The following KANK1 variants were observed in gnomAD, a reference collection of about 807,000 sequenced individuals.
KANK1 encodes the protein KN motif and ankyrin repeat domain-containing protein 1.
Under a neutral mutation model 106.2 loss-of-function variants are expected in KANK1, and 109 were observed. The ratio of observed to expected loss-of-function variants is 1.03; its 90% CI spans 0.88 to 1.20. The LOEUF is 1.20. KANK1 is among the 50% of genes most tolerant of loss of function. The pLI, the probability that KANK1 is intolerant of heterozygous loss-of-function variation, is 0.00. For missense variants in KANK1, 2,399 were observed against 1,710.7 expected (o/e 1.40, Z -7.10); for synonymous variants, 873 against 652.2 (o/e 1.34, Z -5.16).
chr9:518,394 C>G (rs1009361328), intron 1 of KANK1, among the ~76,000 whole-genome samples: 1 of 149,762 alleles, frequency 6.7e-6, no homozygotes, highest in Admixed American at 6.6e-5. Flanking sequence ...TCCTTGACCC[C>G]CAGTGGCCCA....
In KANK1 at chr9:744,547, T is replaced by C; in HGVS notation, c.3954T>C (p.Val1318=). The change falls in exon 11 of 12, where the codon GTT becomes GTC. Residue 1318 remains valine, a synonymous_variant. Coordinates refer to ENST00000382297, the MANE Select transcript of KANK1 (RefSeq NM_015158.5). ...AAGCAGGACACAAGGACATCGCTGT[T>C]CTTCTGTATGCCCATGTCAACTTTG... ...ALEAGHKDIA[V]LLYAHVNFAK... 1 of 1,614,168 alleles carries C rather than the reference T, an allele frequency of 6.2e-7. No homozygotes were observed. Among genetic ancestry groups the C allele is most frequent in the Non-Finnish European group, 8.5e-7 (1 of 1,180,012 alleles).
Position 692,026 on chromosome 9 carries a change from C to G in KANK1, c.37+15017C>G, listed in dbSNP as rs374770515. Among the ~76,000 whole-genome samples, 3 of 152,184 alleles carry G rather than the reference C, an allele frequency of 2.0e-5. No homozygotes were observed. The East Asian group carries it at 5.8e-4, about 29-fold the overall frequency. On this transcript the variant is annotated intron_variant, in intron 2 of 11. Coordinates refer to ENST00000382297, the MANE Select transcript of KANK1 (RefSeq NM_015158.5). ...TTTATCACAGGGCAGGCAGGCAAAG[C>G]CAGTTCTAAACAATAAAACAGAGAT...
At chr9:734,932 C>A in intron 7 of KANK1, 97 bp downstream of exon 7, 3 of 843,974 alleles carry the variant, frequency 3.6e-6, no homozygotes, top group South Asian at 1.4e-5. Flanking sequence ...CTGTTGCTTG[C>A]ATGCTTTTCT....
intron 10 of KANK1, among the ~76,000 whole-genome samples, chr9:743,753 C>G (rs373456811): frequency 4.6e-5 from 7 of 152,076 alleles, no homozygotes; most frequent in African/African-American, 1.7e-4. Context: ...TCTCAGATAC[C>G]GTGGTGGTTG....
At chr9:479,875 C>T (rs927655310) in intron 3 of KANK1, among the ~76,000 whole-genome samples, 2 of 143,062 alleles carry the variant, frequency 1.4e-5, no homozygotes, top group South Asian at 2.4e-4. Context: ...AATAACTGAG[C>T]CCCCCCAGTA....
intron 1 of KANK1, among the ~76,000 whole-genome samples, chr9:564,938 C>T (rs1458668763): frequency 6.6e-6 from 1 of 152,176 alleles, no homozygotes; most frequent in African/African-American, 2.4e-5. Context: ...ACACTTGGCA[C>T]AGACATGGCT....
intron 8 of KANK1, among the ~76,000 whole-genome samples, chr9:739,116 A>G (rs1834628513): frequency 6.6e-6 from 1 of 152,206 alleles, no homozygotes; most frequent in Non-Finnish European, 1.5e-5. Context: ...CCCAGAATAG[A>G]GCCAGTGGAC....
intron 1 of KANK1, among the ~76,000 whole-genome samples, chr9:552,071 G>C (rs1177201631): frequency 6.6e-6 from 1 of 151,964 alleles, no homozygotes; most frequent in African/African-American, 2.4e-5. Context: ...AAAATAAAGG[G>C]AGCATGTAAC....
At chr9:517,769 C>T (rs544370697) in intron 1 of KANK1, among the ~76,000 whole-genome samples, 64 of 145,446 alleles carry the variant, frequency 4.4e-4, no homozygotes, top group South Asian at 8.7e-4. Flanking sequence ...GACAGAGTCT[C>T]GCTCTGTCAC....
chr9:696,726 CA>C, intron 2 of KANK1, among the ~76,000 whole-genome samples: 1 of 152,216 alleles, frequency 6.6e-6, no homozygotes, highest in South Asian at 2.1e-4. Context: ...GCTCCTGGCA[CA>C]TCACTTTGCA....
At chr9:499,136 C>T (rs981788076) in intron 3 of KANK1, among the ~76,000 whole-genome samples, 1 of 151,692 alleles carries the variant, frequency 6.6e-6, no homozygotes, top group African/African-American at 2.4e-5. Flanking sequence ...CGAGATCACA[C>T]CACTGCACTC....
At chr9:521,525 T>C (rs1416890517) in intron 1 of KANK1, among the ~76,000 whole-genome samples, 1 of 150,988 alleles carries the variant, frequency 6.6e-6, no homozygotes, top group Non-Finnish European at 1.5e-5. Context: ...CATCAAACAC[T>C]GGGCACTTGG....
At chr9:512,369 G>T (rs79647952) in intron 1 of KANK1, among the ~76,000 whole-genome samples, 1,778 of 152,200 alleles carry the variant, frequency 0.012, 26 homozygotes, top group Non-Finnish European at 0.016. Flanking sequence ...GAGTCTAGAA[G>T]AAGACTGAAG....
chr9:664,271 C>G (rs1223714571), intron 1 of KANK1, among the ~76,000 whole-genome samples: 1 of 152,128 alleles, frequency 6.6e-6, no homozygotes, highest in Non-Finnish European at 1.5e-5. Context: ...TACTCTCTAT[C>G]CTCATGAGAT....
intron 3 of KANK1, among the ~76,000 whole-genome samples, chr9:476,345 A>G (rs1369429802): frequency 6.6e-6 from 1 of 151,870 alleles, no homozygotes; most frequent in East Asian, 1.9e-4. Context: ...ACATAGTGAA[A>G]CCCTGTCTCT....
chr9:614,836 A>G (rs1331611147), intron 1 of KANK1, among the ~76,000 whole-genome samples: 1 of 152,188 alleles, frequency 6.6e-6, no homozygotes, highest in East Asian at 1.9e-4. Context: ...ACTACAGCCC[A>G]TCACCTTAAA....
At chr9:709,080 G>C (rs1825157264) in intron 2 of KANK1, among the ~76,000 whole-genome samples, 1 of 152,132 alleles carries the variant, frequency 6.6e-6, no homozygotes, top group Non-Finnish European at 1.5e-5. Flanking sequence ...TTCATTCTTT[G>C]CATCTGTTTG....
At chr9:580,793 C>T (rs983094186) in intron 1 of KANK1, among the ~76,000 whole-genome samples, 3 of 152,238 alleles carry the variant, frequency 2.0e-5, no homozygotes, top group African/African-American at 7.2e-5. Flanking sequence ...CTTGGGTAGT[C>T]AATGGGATTG....
intron 3 of KANK1, chr9:476,747 T>C (rs1405895014): frequency 6.6e-6 from 1 of 152,226 alleles, no homozygotes; most frequent in Non-Finnish European, 1.5e-5. Context: ...AGTAGAAATA[T>C]TAATAAATAA....
Sources: allele counts gnomAD v4.1 joint callset (sites outside exome capture counted in the v4.1 genomes callset), GRCh38; gene constraint gnomAD v4.1.1; transcripts MANE v1.5; gene names NCBI Gene and HGNC (gene_info 2026-07-23, HGNC 2026-07-21).